The following CNTN6 variants were observed in gnomAD, a reference collection of about 807,000 sequenced individuals.
CNTN6 encodes contactin-6.
CNTN6 carries 137 observed loss-of-function variants against 122.8 expected under a neutral mutation model. That is an observed-to-expected ratio of 1.12 (90% CI 0.97 to 1.29). CNTN6 has a LOEUF of 1.29. Among genes scored for constraint, CNTN6 ranks in the 50% most tolerant of loss-of-function variants. The pLI, the probability that CNTN6 is intolerant of heterozygous loss-of-function variation, is 0.00. For synonymous variants in CNTN6, 570 were observed against 426.0 expected (o/e 1.34, Z -4.16); for missense variants, 1,634 against 1,223.4 (o/e 1.34, Z -5.01).
intron 4 of CNTN6, among the ~76,000 whole-genome samples, chr3:1,232,952 T>A (rs1355952395): frequency 2.0e-5 from 3 of 152,156 alleles, no homozygotes. Flanking sequence ...AATCTTCAAG[T>A]ATCGAAGAAA....
chr3:1,373,499 A>G (rs546283258), intron 14 of CNTN6, 105 bp from the exon 15 acceptor site: 1 of 1,023,320 alleles, frequency 9.8e-7, no homozygotes, highest in Admixed American at 2.7e-5. Flanking sequence ...CATTATGGTC[A>G]ATATTTTACT....
chr3:1,261,836 G>C (rs1398604717), intron 4 of CNTN6, among the ~76,000 whole-genome samples: 1 of 152,194 alleles, frequency 6.6e-6, no homozygotes, highest in Admixed American at 6.6e-5. Context: ...TAATTTAAAA[G>C]GTCACATGTA....
intron 2 of CNTN6, among the ~76,000 whole-genome samples, chr3:1,210,860 C>G (rs1283696433): frequency 2.0e-5 from 3 of 152,200 alleles, no homozygotes; most frequent in Non-Finnish European, 4.4e-5. Context: ...TCCCTGGTAT[C>G]TTTCTTGATC....
At chr3:1,370,491 T>A (rs1708857820) in intron 12 of CNTN6, among the ~76,000 whole-genome samples, 1 of 152,138 alleles carries the variant, frequency 6.6e-6, no homozygotes, top group Non-Finnish European at 1.5e-5. Flanking sequence ...AGCCTTGGAA[T>A]TAAGAATGGG....
chr3:1,158,913 C>T (rs13062552), intron 2 of CNTN6, among the ~76,000 whole-genome samples: 2 of 116,486 alleles, frequency 1.7e-5, no homozygotes, highest in African/African-American at 7.0e-5. Flanking sequence ...CATATATATA[C>T]ACACACATAT....
At chr3:1,178,668 A>G (rs1010971749) in intron 2 of CNTN6, among the ~76,000 whole-genome samples, 4 of 152,172 alleles carry the variant, frequency 2.6e-5, no homozygotes, top group African/African-American at 9.7e-5. Flanking sequence ...TGTCCAAAAG[A>G]GTGGAGACTA....
intron 11 of CNTN6, among the ~76,000 whole-genome samples, chr3:1,350,907 T>G (rs997653187): frequency 3.3e-5 from 5 of 151,898 alleles, no homozygotes; most frequent in African/African-American, 1.2e-4. Flanking sequence ...CTGAGTTTGG[T>G]GCATAATAGA....
chr3:1,159,928 C>T (rs895758255), intron 2 of CNTN6, among the ~76,000 whole-genome samples: 4 of 152,016 alleles, frequency 2.6e-5, no homozygotes, highest in Non-Finnish European at 5.9e-5. Context: ...TCAAGCAATT[C>T]TCCTGCCTCA....
chr3:1,221,372 A>G (rs1314032288), intron 3 of CNTN6, among the ~76,000 whole-genome samples: 1 of 152,222 alleles, frequency 6.6e-6, no homozygotes, highest in African/African-American at 2.4e-5. Flanking sequence ...CTGCATATGC[A>G]ATGATTATGA....
intron 2 of CNTN6, among the ~76,000 whole-genome samples, chr3:1,216,665 G>A (rs2094134770): frequency 6.6e-6 from 1 of 152,142 alleles, no homozygotes; most frequent in Non-Finnish European, 1.5e-5. Context: ...TCCAGCACTG[G>A]GGAGCCAGTA....
At chr3:1,282,217 C>T (rs529503325) in intron 5 of CNTN6, among the ~76,000 whole-genome samples, 2 of 152,238 alleles carry the variant, frequency 1.3e-5, no homozygotes, top group South Asian at 2.1e-4. Flanking sequence ...CTTTCTTCTG[C>T]GTAAACGAAA....
intron 1 of CNTN6, among the ~76,000 whole-genome samples, chr3:1,146,530 A>G (rs1237317061): frequency 6.6e-6 from 1 of 151,902 alleles, no homozygotes; most frequent in Admixed American, 6.6e-5. Context: ...CCACCCTATA[A>G]ATCTCATACA....
At chr3:1,165,535 A>G (rs144030014) in intron 2 of CNTN6, among the ~76,000 whole-genome samples, 1 of 152,184 alleles carries the variant, frequency 6.6e-6, no homozygotes, top group Non-Finnish European at 1.5e-5. Context: ...TTCTATAAAG[A>G]CACTTTGTGC....
chr3:1,329,369 CCA>C (rs1701978960), intron 10 of CNTN6, among the ~76,000 whole-genome samples: 1 of 151,528 alleles, frequency 6.6e-6, no homozygotes, highest in African/African-American at 2.4e-5. Context: ...TCTTTTGAAA[CCA>C]TCTTCATCCT....
intron 9 of CNTN6, among the ~76,000 whole-genome samples, chr3:1,326,307 T>C (rs1394115640): frequency 2.6e-5 from 4 of 151,816 alleles, no homozygotes; most frequent in Non-Finnish European, 4.4e-5. Context: ...GTGCATTATC[T>C]TATTGCACCC....
chr3:1,307,837 G>A (rs1350273178), intron 7 of CNTN6, among the ~76,000 whole-genome samples: 2 of 152,096 alleles, frequency 1.3e-5, no homozygotes, highest in Non-Finnish European at 2.9e-5. Flanking sequence ...ATAAAGGTAA[G>A]GAACAATTTT....
In CNTN6 at chr3:1,233,734, C is replaced by CAAAAAAAAA. The variant is rs1166507455; in HGVS notation, c.358+5757_358+5765dup. On this transcript the variant is annotated intron_variant, in intron 4 of 22. Coordinates refer to ENST00000446702, the MANE Select transcript of CNTN6 (RefSeq NM_001289080.2). ...TGGGCAACAGAACGAGACTCTGTCT[C>CAAAAAAAAA]AAAAAAAAAAAAAAAAAAAAAAAAG... 3.5e-4 allele frequency among the ~76,000 whole-genome samples: 18 copies of CAAAAAAAAA among 52,154 alleles called. 2 individuals carry two copies. The highest frequency in any genetic ancestry group is 1.6e-3 in the African/African-American group (18 of 11,592). 34.2% of individuals were successfully genotyped at this position (52,154 alleles called of 152,430 possible). A position where few individuals can be genotyped will look rare whatever the true frequency, so the allele number is the denominator to read the frequency against.
chr3:1,132,229 ACT>A (rs2092355002), intron 1 of CNTN6, among the ~76,000 whole-genome samples: 1 of 152,008 alleles, frequency 6.6e-6, no homozygotes, highest in East Asian at 1.9e-4. Context: ...ACTTTTTCAA[ACT>A]CATGTCTTTT....
intron 2 of CNTN6, among the ~76,000 whole-genome samples, chr3:1,194,703 C>A (rs2093751060): frequency 6.6e-6 from 1 of 152,032 alleles, no homozygotes; most frequent in Admixed American, 6.6e-5. Context: ...TTATGTATTT[C>A]TGTGCCTTAT....
Sources: gnomAD v4.1 joint callset for allele counts (sites outside exome capture counted in the v4.1 genomes callset) on GRCh38, gnomAD v4.1.1 for gene constraint, MANE v1.5 for transcripts, NCBI Gene and HGNC (gene_info 2026-07-23, HGNC 2026-07-21) for gene names.